The following SIPA1L3 variants were observed in gnomAD, a reference collection of about 807,000 sequenced individuals.
SIPA1L3 encodes signal-induced proliferation-associated 1-like protein 3.
A neutral mutation model predicts 150.1 loss-of-function variants in SIPA1L3; 59 were observed. The ratio of observed to expected loss-of-function variants is 0.39; its 90% CI spans 0.32 to 0.49. The LOEUF (loss-of-function observed/expected upper bound fraction) is 0.49, where lower values mean the gene tolerates loss of function less well. SIPA1L3 is among the 20% of genes least tolerant of loss of function. The pLI is 0.86. For synonymous variants in SIPA1L3, 1,070 were observed against 1,077.6 expected (o/e 0.99, Z 0.14); for missense variants, 2,211 against 2,489.5 (o/e 0.89, Z 2.38).
intron 2 of SIPA1L3, among the ~76,000 whole-genome samples, chr19:38,061,032 C>G (rs1969435617): frequency 6.6e-6 from 1 of 152,006 alleles, no homozygotes; most frequent in Admixed American, 6.6e-5. Flanking sequence ...TGCTTTTCTT[C>G]CGAATTAGTA....
At chr19:37,974,997 G>A (rs1300186127) in intron 1 of SIPA1L3, among the ~76,000 whole-genome samples, 1 of 152,178 alleles carries the variant, frequency 6.6e-6, no homozygotes, top group Non-Finnish European at 1.5e-5. Context: ...CTAACATGGT[G>A]AAACCCCACC....
intron 8 of SIPA1L3, among the ~76,000 whole-genome samples, chr19:38,113,165 T>G (rs1453850070): frequency 2.0e-5 from 3 of 151,132 alleles, no homozygotes; most frequent in Non-Finnish European, 4.4e-5. Context: ...GAGCCAAGAT[T>G]GCACCACTGC....
intron 1 of SIPA1L3, among the ~76,000 whole-genome samples, chr19:37,954,874 G>A (rs527650157): frequency 6.6e-6 from 1 of 152,200 alleles, no homozygotes; most frequent in African/African-American, 2.4e-5. Context: ...ATCTCTTGAG[G>A]CCAGGAGTTC....
intron 20 of SIPA1L3, among the ~76,000 whole-genome samples, chr19:38,202,702 C>T (rs561499548): frequency 6.6e-6 from 1 of 152,218 alleles, no homozygotes; most frequent in Non-Finnish European, 1.5e-5. Flanking sequence ...TCCTTCGTCT[C>T]CTCCTCTGCA....
At chr19:37,946,302 T>TG (rs370006849) in intron 1 of SIPA1L3, among the ~76,000 whole-genome samples, 3,899 of 151,942 alleles carry the variant, frequency 0.026, 165 homozygotes, top group African/African-American at 0.088. Flanking sequence ...ACACTTTTTT[T>TG]TGTGTGTGTG....
intron 1 of SIPA1L3, among the ~76,000 whole-genome samples, chr19:37,933,544 A>T (rs1309104344): frequency 6.6e-6 from 1 of 152,212 alleles, no homozygotes; most frequent in Non-Finnish European, 1.5e-5. Context: ...CACGTGGTAG[A>T]TGCGGGCTAA....
At chr19:37,998,297 C>T (rs1967694308) in intron 1 of SIPA1L3, among the ~76,000 whole-genome samples, 1 of 152,144 alleles carries the variant, frequency 6.6e-6, no homozygotes, top group African/African-American at 2.4e-5. Context: ...GTTCCTCAGC[C>T]AGCCCTGTGT....
intron 8 of SIPA1L3, among the ~76,000 whole-genome samples, chr19:38,116,236 G>A (rs1245452495): frequency 6.6e-6 from 1 of 152,078 alleles, no homozygotes; most frequent in Non-Finnish European, 1.5e-5. Context: ...GAGACCGGGT[G>A]CAGTGGCTCA....
chr19:38,123,411 G>T (rs560418661), intron 9 of SIPA1L3, among the ~76,000 whole-genome samples: 1 of 149,414 alleles, frequency 6.7e-6, no homozygotes, highest in Non-Finnish European at 1.5e-5. Context: ...AGGACCCTGC[G>T]GCCTTCCGCA....
chr19:38,028,473 G>T (rs941622327), intron 1 of SIPA1L3, among the ~76,000 whole-genome samples: 1 of 152,080 alleles, frequency 6.6e-6, no homozygotes, highest in Non-Finnish European at 1.5e-5. Flanking sequence ...CCTCGTCCGG[G>T]AGGCCTTCCC....
At chr19:38,075,125 A>T (rs1446018214) in intron 2 of SIPA1L3, among the ~76,000 whole-genome samples, 1 of 152,176 alleles carries the variant, frequency 6.6e-6, no homozygotes, top group Non-Finnish European at 1.5e-5. Flanking sequence ...GTATACATGA[A>T]TTTTTTTCAA....
At chr19:38,119,190 G>A (rs1365815751) in intron 8 of SIPA1L3, 116 bp from the exon 9 acceptor site, 3 of 1,026,048 alleles carry the variant, frequency 2.9e-6, no homozygotes, top group Admixed American at 5.2e-5. Context: ...AGTGAGACCT[G>A]TCTCGATAAA....
intron 1 of SIPA1L3, among the ~76,000 whole-genome samples, chr19:37,981,588 AATT>A (rs1414845360): frequency 6.6e-6 from 1 of 152,044 alleles, no homozygotes; most frequent in Non-Finnish European, 1.5e-5. Flanking sequence ...AGATGCCGGC[AATT>A]ATTATTATTC....
At chr19:38,028,692 CTT>C (rs568012391) in intron 1 of SIPA1L3, among the ~76,000 whole-genome samples, 44 of 135,908 alleles carry the variant, frequency 3.2e-4, no homozygotes, top group Admixed American at 5.2e-4. Flanking sequence ...TCAGTAAATA[CTT>C]TTTTTTTTTT....
chr19:38,199,809 C>T (rs990473897), intron 19 of SIPA1L3: 3 of 152,020 alleles, frequency 2.0e-5, no homozygotes, highest in Non-Finnish European at 2.9e-5. Flanking sequence ...AAGGAATTCT[C>T]ATTAACTTTG....
chr19:37,967,246 T>TC (rs1018619325), intron 1 of SIPA1L3, among the ~76,000 whole-genome samples: 2 of 149,854 alleles, frequency 1.3e-5, no homozygotes, highest in South Asian at 4.3e-4. Flanking sequence ...ATGTGGAAGT[T>TC]CCCCCCCACC....
intron 4 of SIPA1L3, among the ~76,000 whole-genome samples, chr19:38,097,647 C>G (rs1182938707): frequency 6.6e-6 from 1 of 152,200 alleles, no homozygotes; most frequent in African/African-American, 2.4e-5. Context: ...ACCTCCTCCT[C>G]CTGGGTTCAA....
At position 38,152,653 on chromosome 19, in the gene SIPA1L3, C is replaced by T. The variant is rs1007037483; in HGVS notation, c.3534-187C>T. On this transcript the variant is annotated intron_variant, in intron 12 of 21. Transcript: ENST00000222345. ...GGCTTCCCAGGCGAGACTCTCATCCCGGACCCGCAGCTAATAGCACGTTTC... is the reference window on the plus strand; with the variant it reads ...GGCTTCCCAGGCGAGACTCTCATCCTGGACCCGCAGCTAATAGCACGTTTC... Among the ~76,000 whole-genome samples, 10 of 152,194 alleles carry T rather than the reference C, an allele frequency of 6.6e-5. No homozygotes were observed. The South Asian group carries it at 1.0e-3, about 16-fold the overall frequency.
At chr19:38,150,568 T>C (rs994751284) in intron 12 of SIPA1L3, among the ~76,000 whole-genome samples, 4 of 149,614 alleles carry the variant, frequency 2.7e-5, no homozygotes, top group Non-Finnish European at 4.4e-5. Context: ...AGTCTTGTTC[T>C]GTTGTCCAGG....
Sources: allele counts gnomAD v4.1 joint callset (sites outside exome capture counted in the v4.1 genomes callset), GRCh38; gene constraint gnomAD v4.1.1; transcripts MANE v1.5; gene names NCBI Gene and HGNC (gene_info 2026-07-23, HGNC 2026-07-21).